Variants in RETREG1 observed in about 807,000 individuals in gnomAD.
RETREG1 encodes the protein family with sequence similarity 134 member B.
RETREG1 carries 44 observed loss-of-function variants against 54.8 expected under a neutral mutation model. The observed-to-expected ratio is 0.80, with a 90% CI of 0.63 to 1.03. The LOEUF is 1.03. Among genes scored for constraint, RETREG1 ranks in the 50% least tolerant of loss-of-function variants. RETREG1 has a pLI of 0.00. For missense variants in RETREG1, 554 were observed against 605.1 expected (o/e 0.92, Z 0.89); for synonymous variants, 217 against 238.5 (o/e 0.91, Z 0.83).
intron 3 of RETREG1, among the ~76,000 whole-genome samples, chr5:16,503,582 T>G (rs144538735): frequency 3.0e-4 from 45 of 149,018 alleles, no homozygotes; most frequent in African/African-American, 1.1e-3. Context: ...GGCAGAGAAC[T>G]GCTTGAACCC....
chr5:16,480,875 A>G (rs1307156034), intron 5 of RETREG1, 134 bp downstream of exon 5: 1 of 683,934 alleles, frequency 1.5e-6, no homozygotes, highest in Non-Finnish European at 2.7e-6. Flanking sequence ...AACTTTGTAC[A>G]GCAGGAGATT....
chr5:16,547,802 T>C (rs12187879), intron 3 of RETREG1, among the ~76,000 whole-genome samples: 44,391 of 152,050 alleles, frequency 0.29, 6,802 homozygotes, highest in East Asian at 0.4. Flanking sequence ...CTGATGTTAT[T>C]AGTGGGTAAA....
At chr5:16,516,797 T>G (rs62369709) in intron 3 of RETREG1, among the ~76,000 whole-genome samples, 15,624 of 151,936 alleles carry the variant, frequency 0.1, 908 homozygotes, top group African/African-American at 0.12. Flanking sequence ...AAGCCCAAAT[T>G]AATTCCAAAA....
chr5:16,544,386 A>C (rs1741333978), intron 3 of RETREG1, among the ~76,000 whole-genome samples: 2 of 152,172 alleles, frequency 1.3e-5, no homozygotes, highest in African/African-American at 4.8e-5. Flanking sequence ...TCATTCCCTT[A>C]GCTATGTCAG....
intron 1 of RETREG1, among the ~76,000 whole-genome samples, chr5:16,613,872 T>C (rs1743417579): frequency 6.6e-6 from 1 of 152,280 alleles, no homozygotes; most frequent in Non-Finnish European, 1.5e-5. Context: ...CGTAATGTCC[T>C]TGAAAATCAT....
rs1738655088 is a variant in RETREG1, at chr5:16,478,991, A to T, written c.671-4T>A. ...GGACACAAAAATGCACACAGTACTG[A>T]AAGAAGAAAGAGAGCAGAGGTAAAA... On this transcript the variant is annotated splice_region_variant and splice_polypyrimidine_tract_variant and intron_variant, in intron 5 of 8. Transcript: ENST00000306320. 6.2e-6 allele frequency: 10 copies of T among 1,611,434 alleles called. No individual in the cohort carries two copies. The highest frequency in any genetic ancestry group is 1.3e-5 in the African/African-American group (1 of 74,946).
chr5:16,499,494 T>C (rs1001036436), intron 3 of RETREG1, among the ~76,000 whole-genome samples: 9 of 152,246 alleles, frequency 5.9e-5, no homozygotes, highest in African/African-American at 2.2e-4. Context: ...TTTAGAGGTA[T>C]CATTTTAAGA....
At chr5:16,595,241 T>C (rs1052856483) in intron 1 of RETREG1, among the ~76,000 whole-genome samples, 12 of 152,218 alleles carry the variant, frequency 7.9e-5, no homozygotes, top group African/African-American at 2.9e-4. Flanking sequence ...CTTGTTTTTA[T>C]ATTTTGTTTT....
intron 1 of RETREG1, among the ~76,000 whole-genome samples, chr5:16,572,493 G>C (rs1380424466): frequency 6.6e-6 from 1 of 152,164 alleles, no homozygotes; most frequent in Non-Finnish European, 1.5e-5. Flanking sequence ...GATTACAGGC[G>C]TGAGCCACTG....
intron 3 of RETREG1, among the ~76,000 whole-genome samples, chr5:16,525,854 T>C (rs1341460073): frequency 2.6e-5 from 4 of 151,872 alleles, no homozygotes; most frequent in South Asian, 4.2e-4. Context: ...GGGCTGAAAA[T>C]TCCATCTTGT....
chr5:16,488,595 G>A (rs1476307252), intron 3 of RETREG1, among the ~76,000 whole-genome samples: 1 of 152,130 alleles, frequency 6.6e-6, no homozygotes, highest in African/African-American at 2.4e-5. Context: ...TGAGGAGCCC[G>A]GAGGCCAGGA....
At chr5:16,595,659 G>A (rs74981838) in intron 1 of RETREG1, among the ~76,000 whole-genome samples, 1,574 of 152,260 alleles carry the variant, frequency 0.01, 23 homozygotes, top group African/African-American at 0.036. Context: ...GTTTCAAGTA[G>A]ATGTGATCAA....
rs1057518317 is a variant in RETREG1, at chr5:16,475,009, A to C, written c.1226T>G (p.Met409Arg). The change falls in exon 9 of 9, where the codon ATG (methionine) becomes AGG (arginine). Residue 409 changes from methionine (M) to arginine (R), a missense_variant. Physicochemically the swap from Met to Arg is moderately conservative, Grantham distance 91. This residue lies in a region of RETREG1 where 347 missense variants were observed against 412.3 expected (regional missense o/e 0.84). Transcript: ENST00000306320. ...GATAACATCCCCAGCCAGGTTGCTC[A>C]TCAGGTGAAAGGTTTGGTCACTGTT... is the stretch of plus-strand genomic sequence containing the variant. Reference protein sequence around the residue: ...PLNSDQTFHLMSNLAGDVITA... With the variant: ...PLNSDQTFHLRSNLAGDVITA... 2.5e-6 allele frequency: 4 copies of C among 1,613,684 alleles called. No homozygotes were observed. Among genetic ancestry groups the C allele is most frequent in the Non-Finnish European group, 3.4e-6 (4 of 1,179,732 alleles).
intron 3 of RETREG1, among the ~76,000 whole-genome samples, chr5:16,498,873 A>C (rs552232112): frequency 1.3e-5 from 2 of 152,324 alleles, no homozygotes; most frequent in South Asian, 4.1e-4. Flanking sequence ...CTGTACACTT[A>C]TTGAGTTAAA....
rs140404418 is a variant in RETREG1, at chr5:16,518,357, G to A, written c.459-34885C>T. 6.5e-3 allele frequency among the ~76,000 whole-genome samples: 986 copies of A among 150,676 alleles called. 36 individuals carry two copies. Among genetic ancestry groups the A allele is most frequent in the Admixed American group, 0.057 (856 of 15,098 alleles). On this transcript the variant is annotated intron_variant, in intron 3 of 8. Transcript: ENST00000306320. Reference sequence around the variant, plus strand: ...GAAAGGCAAACTAGAAGGACAAGGCGAGGAGGAGGAGGGGGAGAGGATGGG... The same window carrying A: ...GAAAGGCAAACTAGAAGGACAAGGCAAGGAGGAGGAGGGGGAGAGGATGGG...
chr5:16,579,455 G>C (rs1422220992), intron 1 of RETREG1, among the ~76,000 whole-genome samples: 3 of 152,186 alleles, frequency 2.0e-5, no homozygotes, highest in Admixed American at 1.3e-4. Context: ...TGGAAGGACT[G>C]GCACCAATTT....
intron 1 of RETREG1, among the ~76,000 whole-genome samples, chr5:16,595,312 A>G (rs1329216418): frequency 6.6e-6 from 1 of 152,144 alleles, no homozygotes; most frequent in Non-Finnish European, 1.5e-5. Flanking sequence ...GTTTGTAGGC[A>G]CCCTGTATTA....
At chr5:16,538,856 C>A (rs558496797) in intron 3 of RETREG1, among the ~76,000 whole-genome samples, 54 of 152,308 alleles carry the variant, frequency 3.5e-4, no homozygotes, top group South Asian at 2.5e-3. Flanking sequence ...AGGCGCCTGC[C>A]ACAATGCCCG....
At chr5:16,495,863 G>A (rs1383422754) in intron 3 of RETREG1, among the ~76,000 whole-genome samples, 1 of 152,054 alleles carries the variant, frequency 6.6e-6, no homozygotes, top group African/African-American at 2.4e-5. Context: ...AGTGCTGACT[G>A]GGGACTAACA....
Sources: gnomAD v4.1 joint callset for allele counts (sites outside exome capture counted in the v4.1 genomes callset) on GRCh38, gnomAD v4.1.1 for gene constraint, gnomAD v4.1.1 regional missense constraint, MANE v1.5 for transcripts, NCBI Gene and HGNC (gene_info 2026-07-23, HGNC 2026-07-21) for gene names.